The following CYBRD1 variants were observed in gnomAD, a reference collection of about 807,000 sequenced individuals.
CYBRD1 encodes the protein plasma membrane ascorbate-dependent reductase CYBRD1.
CYBRD1 carries 14 observed loss-of-function variants against 21.9 expected under a neutral mutation model. The observed-to-expected ratio is 0.64, with a 90% CI of 0.42 to 1.00. CYBRD1 has a LOEUF of 1.00. Among genes scored for constraint, CYBRD1 ranks in the 50% least tolerant of loss-of-function variants. The probability of loss-of-function intolerance (pLI) is 0.00; values close to 1 mark genes in which losing one functional copy is unlikely to be tolerated. For synonymous variants in CYBRD1, 146 were observed against 136.5 expected (o/e 1.07, Z -0.48); for missense variants, 328 against 352.5 (o/e 0.93, Z 0.56).
chr2:171,557,982 C>A lies in CYBRD1; in HGVS notation c.*3155C>A, dbSNP rs1287985703. The A allele has an allele frequency of 1.3e-5, 2 of 151,894 alleles. No individual in the cohort carries two copies. Among genetic ancestry groups the A allele is most frequent in the African/African-American group, 4.8e-5 (2 of 41,354 alleles). 9.4% of individuals were successfully genotyped at this position (151,894 alleles called of 1,614,324 possible). ...TTAATTCCTACAAGGTACTCGAAAA[C>A]CTTAAGTGAAAAAGATTTCTATCTT... On this transcript the variant is annotated 3_prime_UTR_variant, in exon 4 of 4. Transcript: ENST00000321348.
chr2:171,522,596 G>A lies in CYBRD1; in HGVS notation c.51G>A (p.Leu17=), dbSNP rs199621126. Residue 17 remains leucine, a synonymous_variant, in exon 1 of 4, where the codon CTG becomes CTA. Coordinates refer to ENST00000321348, the MANE Select transcript of CYBRD1 (RefSeq NM_024843.4). This position sits in a 1 kb window ranked among gnomAD's most constrained non-coding sequence, Gnocchi z 4.3. ...TCCTGGCGCTGCTGGGGTCGGCACT[G>A]CTCGTCGGCTTCCTGTCGGTGATCT... ...WRFLALLGSA[L]LVGFLSVIFA... is the part of the protein sequence containing the mutation. The A allele has an allele frequency of 1.1e-5, 18 of 1,612,376 alleles. No individual in the cohort carries two copies. The highest frequency in any genetic ancestry group is 1.7e-4 in the Middle Eastern group (1 of 6,054).
intron 2 of CYBRD1, among the ~76,000 whole-genome samples, chr2:171,542,956 T>C (rs1038602867): frequency 1.3e-5 from 2 of 152,226 alleles, no homozygotes; most frequent in African/African-American, 4.8e-5. Flanking sequence ...TAAATGCTTT[T>C]ATTATATTTT....
intron 1 of CYBRD1, among the ~76,000 whole-genome samples, chr2:171,538,711 C>T (rs12692966): frequency 0.41 from 62,080 of 151,956 alleles, 12,959 homozygotes; most frequent in South Asian, 0.47. Context: ...GAATTCACAT[C>T]GGTCTTTGTA....
intron 2 of CYBRD1, among the ~76,000 whole-genome samples, chr2:171,549,865 A>C (rs938485999): frequency 6.6e-6 from 1 of 152,138 alleles, no homozygotes; most frequent in African/African-American, 2.4e-5. Context: ...GTTGGCATTT[A>C]GTGTGTTTGT....
In CYBRD1 at chr2:171,557,555, A is replaced by T. The variant is rs1683511726; in HGVS notation, c.*2728A>T. The T allele has an allele frequency of 1.3e-5, 2 of 152,206 alleles. No homozygotes were observed. Among genetic ancestry groups the T allele is most frequent in the African/African-American group, 4.8e-5 (2 of 41,446 alleles). The allele number at this position is 152,206 out of a possible 1,614,324, so 9.4% of individuals were successfully genotyped here. ...TTCCTGTGCTGCTTGTGTCAAATGG[A>T]ACCTGCCCTCTAAAGCACTTTCTTT... On this transcript the variant is annotated 3_prime_UTR_variant, in exon 4 of 4. Coordinates refer to ENST00000321348, the MANE Select transcript of CYBRD1 (RefSeq NM_024843.4).
intron 1 of CYBRD1, among the ~76,000 whole-genome samples, chr2:171,525,930 A>G (rs1237080750): frequency 9.2e-5 from 13 of 141,272 alleles, no homozygotes; most frequent in African/African-American, 3.5e-4. Context: ...CTGGGCAACA[A>G]GAGCGAAACT....
At chr2:171,526,330 C>T (rs55862034) in intron 1 of CYBRD1, among the ~76,000 whole-genome samples, 1 of 151,798 alleles carries the variant, frequency 6.6e-6, no homozygotes, top group Non-Finnish European at 1.5e-5. Context: ...AAACAAATCT[C>T]CCTCTCCTTC....
intron 1 of CYBRD1, among the ~76,000 whole-genome samples, chr2:171,536,051 C>G (rs1697540694): frequency 6.6e-6 from 1 of 151,228 alleles, no homozygotes; most frequent in Admixed American, 6.6e-5. Context: ...GTACCCAGAA[C>G]AAGAAGCAAT....
In CYBRD1 at chr2:171,554,845, G is replaced by A. The variant is rs763619350; in HGVS notation, c.*18G>A. 6.2e-7 allele frequency: 1 copy of A among 1,611,718 alleles called. No individual in the cohort carries two copies. The highest frequency in any genetic ancestry group is 8.5e-7 in the Non-Finnish European group (1 of 1,179,498). ...CCATGTAAAATGTTGTAGAGATAGAGCCATATAACGTCACGTTTCAAAACT... is the reference window on the plus strand; with the variant it reads ...CCATGTAAAATGTTGTAGAGATAGAACCATATAACGTCACGTTTCAAAACT... On this transcript the variant is annotated 3_prime_UTR_variant, in exon 4 of 4. Transcript: ENST00000321348.
intron 1 of CYBRD1, chr2:171,541,244 A>G (rs1697626375): frequency 8.1e-6 from 3 of 371,706 alleles, no homozygotes; most frequent in Non-Finnish European, 1.0e-5. Context: ...GGAGATATAA[A>G]TTTTTTGGAG....
chr2:171,553,196 G>T, intron 2 of CYBRD1, 150 bp from the exon 3 acceptor site: 1 of 784,552 alleles, frequency 1.3e-6, no homozygotes, highest in Non-Finnish European at 2.0e-6. Context: ...GTTACATTAG[G>T]TAGTGGAACT....
intron 2 of CYBRD1, among the ~76,000 whole-genome samples, chr2:171,548,985 A>T (rs561931708): frequency 3.0e-4 from 46 of 152,198 alleles, no homozygotes; most frequent in Non-Finnish European, 5.9e-4. Flanking sequence ...AAAGTGAGAA[A>T]CTGCCATAGT....
At chr2:171,538,344 G>A (rs1271240171) in intron 1 of CYBRD1, among the ~76,000 whole-genome samples, 1 of 152,138 alleles carries the variant, frequency 6.6e-6, no homozygotes, top group East Asian at 1.9e-4. Context: ...TAGGCTCTGG[G>A]GATACAGTGG....
intron 1 of CYBRD1, among the ~76,000 whole-genome samples, chr2:171,539,198 A>G (rs1302748852): frequency 7.2e-5 from 11 of 152,128 alleles, no homozygotes; most frequent in African/African-American, 2.7e-4. Flanking sequence ...AGAAATGTAC[A>G]TGAGGCCAGG....
At chr2:171,543,554 A>T (rs76159778) in intron 2 of CYBRD1, among the ~76,000 whole-genome samples, 1 of 152,110 alleles carries the variant, frequency 6.6e-6, no homozygotes, top group African/African-American at 2.4e-5. Context: ...CCCGGTGTTT[A>T]TTCTCATTCT....
chr2:171,542,387 TGCC>T (rs1205414548), intron 2 of CYBRD1, among the ~76,000 whole-genome samples: 1 of 152,144 alleles, frequency 6.6e-6, no homozygotes, highest in East Asian at 1.9e-4. Flanking sequence ...TGCTGGCTCA[TGCC>T]TATAATTCCA....
At chr2:171,537,821 A>G (rs1175242397) in intron 1 of CYBRD1, among the ~76,000 whole-genome samples, 1 of 152,224 alleles carries the variant, frequency 6.6e-6, no homozygotes, top group Non-Finnish European at 1.5e-5. Flanking sequence ...AATATGCTAT[A>G]TGCTTTCAAG....
At chr2:171,540,378 T>C (rs752341388) in intron 1 of CYBRD1, among the ~76,000 whole-genome samples, 3 of 152,244 alleles carry the variant, frequency 2.0e-5, no homozygotes, top group Non-Finnish European at 4.4e-5. Flanking sequence ...ATTTATTTAT[T>C]CATTCTATTG....
chr2:171,535,164 C>T (rs1165283016), intron 1 of CYBRD1, among the ~76,000 whole-genome samples: 1 of 152,092 alleles, frequency 6.6e-6, no homozygotes, highest in Non-Finnish European at 1.5e-5. Flanking sequence ...CTAACTCAAG[C>T]CAGAAACAAA....
Sources: gnomAD v4.1 joint callset for allele counts (sites outside exome capture counted in the v4.1 genomes callset) on GRCh38, gnomAD v4.1.1 for gene constraint, Gnocchi (gnomAD v3.1) non-coding constraint, MANE v1.5 for transcripts, NCBI Gene and HGNC (gene_info 2026-07-23, HGNC 2026-07-21) for gene names.